Variants in SLC25A48 observed in about 807,000 individuals in gnomAD.
The protein encoded by SLC25A48 is solute carrier family 25 member 48, also known as CTC-321K16.1.
A neutral mutation model predicts 32.2 loss-of-function variants in SLC25A48; 29 were observed. That is an observed-to-expected ratio of 0.90 (90% confidence interval 0.67 to 1.23). The LOEUF (loss-of-function observed/expected upper bound fraction) is 1.23, where lower values mean the gene tolerates loss of function less well. Ranked by LOEUF, SLC25A48 falls within the 50% of genes most tolerant of loss-of-function variation. The pLI, the probability that SLC25A48 is intolerant of heterozygous loss-of-function variation, is 0.00. For synonymous variants in SLC25A48, 164 were observed against 172.3 expected (o/e 0.95, Z 0.38); for missense variants, 399 against 422.7 (o/e 0.94, Z 0.49).
intron 3 of SLC25A48, among the ~76,000 whole-genome samples, chr5:135,646,659 T>TTATATATATATATATATATACATATATA (rs1752967031): frequency 8.0e-6 from 1 of 125,400 alleles, no homozygotes; most frequent in Non-Finnish European, 1.7e-5. Context: ...TAATTTCCCA[T>TTATATATATATATATATATACATATATA]TATATATATA....
At chr5:135,834,182 C>A (rs1561516251), upstream of SLC25A48, among the ~76,000 whole-genome samples, 1 of 152,216 alleles carries the variant, frequency 6.6e-6, no homozygotes, top group Admixed American at 6.5e-5. Flanking sequence ...CAGAGCACCA[C>A]CTCTGCCTTC....
intron 2 of SLC25A48, among the ~76,000 whole-genome samples, chr5:135,846,745 G>A (rs1246319486): frequency 6.6e-6 from 1 of 152,074 alleles, no homozygotes; most frequent in Non-Finnish European, 1.5e-5. Flanking sequence ...ACAATCCAGG[G>A]CTCCCATTCT....
intron 4 of SLC25A48, among the ~76,000 whole-genome samples, chr5:135,828,835 C>T (rs1758133319): frequency 1.3e-5 from 2 of 152,226 alleles, no homozygotes; most frequent in Admixed American, 6.5e-5. Context: ...GCCCCTCCTA[C>T]AGCCATGGGG....
At chr5:135,602,003 A>T (rs1310307694) in intron 1 of SLC25A48, among the ~76,000 whole-genome samples, 1 of 152,240 alleles carries the variant, frequency 6.6e-6, no homozygotes, top group African/African-American at 2.4e-5. Flanking sequence ...CCTGCCACTT[A>T]GTAGGAGCTC....
intron 3 of SLC25A48, among the ~76,000 whole-genome samples, chr5:135,699,123 G>A (rs1225202866): frequency 1.3e-5 from 2 of 152,114 alleles, no homozygotes; most frequent in Admixed American, 6.5e-5. Context: ...TTTGGAAAAC[G>A]GTTTGGCAGC....
Position 135,842,470 on chromosome 5 carries a change from C to T in SLC25A48, c.90+11C>T, listed in dbSNP as rs368894046. ...CTGGACACAGTCAAGGTACAGTAGC[C>T]ATGTTTCCCATTACCTCTTAAAAAG... On this transcript the variant is annotated intron_variant, in intron 2 of 7. Coordinates refer to ENST00000681962, the MANE Select transcript of SLC25A48 (RefSeq NM_001349336.2). 2.5e-6 allele frequency: 4 copies of T among 1,612,764 alleles called. No individual in the cohort carries two copies. Among genetic ancestry groups the T allele is most frequent in the Non-Finnish European group, 3.4e-6 (4 of 1,178,738 alleles).
upstream of SLC25A48, chr5:135,834,583 C>T (rs930821022): frequency 2.2e-6 from 1 of 444,772 alleles, no homozygotes. Context: ...TGGGATGAGC[C>T]GCGCGGAGCG....
intron 3 of SLC25A48, among the ~76,000 whole-genome samples, chr5:135,717,749 G>T (rs1754840460): frequency 6.6e-6 from 1 of 152,196 alleles, no homozygotes; most frequent in African/African-American, 2.4e-5. Context: ...CCAAGACCTT[G>T]AGAGGGAGCA....
At chr5:135,698,109 A>G (rs1467841657) in intron 3 of SLC25A48, among the ~76,000 whole-genome samples, 2 of 152,112 alleles carry the variant, frequency 1.3e-5, no homozygotes, top group Non-Finnish European at 2.9e-5. Flanking sequence ...ATTATCTACC[A>G]AGTTGTCAGT....
intron 1 of SLC25A48, among the ~76,000 whole-genome samples, chr5:135,605,878 CAA>C (rs1251384999): frequency 6.6e-6 from 1 of 152,138 alleles, no homozygotes; most frequent in African/African-American, 2.4e-5. Context: ...AAGGTATTGT[CAA>C]AGAGAAGCTT....
intron 2 of SLC25A48, among the ~76,000 whole-genome samples, chr5:135,633,074 G>A (rs1030736642): frequency 4.6e-5 from 7 of 152,210 alleles, no homozygotes; most frequent in African/African-American, 1.7e-4. Flanking sequence ...AGTTATCTCT[G>A]CAGTTTAATA....
At chr5:135,769,497 G>A (rs76052947) in intron 3 of SLC25A48, among the ~76,000 whole-genome samples, 2,356 of 151,714 alleles carry the variant, frequency 0.016, 42 homozygotes, top group African/African-American at 0.044. Flanking sequence ...AAAAGAGGAA[G>A]GTATTACTCC....
chr5:135,607,838 A>G (rs1211240605), intron 1 of SLC25A48, among the ~76,000 whole-genome samples: 2 of 152,220 alleles, frequency 1.3e-5, no homozygotes, highest in African/African-American at 2.4e-5. Flanking sequence ...AGTAGGAGGC[A>G]GAATTGGCTT....
intron 3 of SLC25A48, among the ~76,000 whole-genome samples, chr5:135,640,298 T>C (rs369788093): frequency 2.0e-5 from 3 of 152,180 alleles, no homozygotes; most frequent in East Asian, 3.9e-4. Context: ...ATCTAACATA[T>C]GAGTAATTGG....
chr5:135,690,762 T>C (rs1225747076), intron 3 of SLC25A48, among the ~76,000 whole-genome samples: 1 of 152,180 alleles, frequency 6.6e-6, no homozygotes, highest in African/African-American at 2.4e-5. Context: ...CAGATCAATT[T>C]TGAATCCAGA....
At chr5:135,877,462 A>T (rs25899) in intron 6 of SLC25A48, among the ~76,000 whole-genome samples, 10,616 of 151,150 alleles carry the variant, frequency 0.07, 412 homozygotes, top group Non-Finnish European at 0.084. Flanking sequence ...CTGTCACTCC[A>T]GGAAACCTGA....
At chr5:135,878,900 A>T (rs1457334048) in intron 6 of SLC25A48, among the ~76,000 whole-genome samples, 1 of 152,134 alleles carries the variant, frequency 6.6e-6, no homozygotes, top group East Asian at 1.9e-4. Flanking sequence ...CAAAGCTTTT[A>T]TCTGCTCTCA....
At chr5:135,647,361 C>T (rs1246467850) in intron 3 of SLC25A48, among the ~76,000 whole-genome samples, 1 of 152,162 alleles carries the variant, frequency 6.6e-6, no homozygotes, top group East Asian at 1.9e-4. Flanking sequence ...TCCATTTGTT[C>T]TGTAAGAATC....
At chr5:135,630,891 C>T (rs249596) in intron 2 of SLC25A48, among the ~76,000 whole-genome samples, 254 of 152,166 alleles carry the variant, frequency 1.7e-3, no homozygotes, top group Middle Eastern at 3.4e-3. Flanking sequence ...CATGAGCCAC[C>T]GTGCCTGGCC....
Sources: gnomAD v4.1 joint callset for allele counts (sites outside exome capture counted in the v4.1 genomes callset) on GRCh38, gnomAD v4.1.1 for gene constraint, MANE v1.5 for transcripts, NCBI Gene and HGNC (gene_info 2026-07-23, HGNC 2026-07-21) for gene names.